The following CDH8 variants were observed in gnomAD, a reference collection of about 807,000 sequenced individuals.
CDH8 encodes the protein cadherin-8.
A neutral mutation model predicts 68.1 loss-of-function variants in CDH8; 17 were observed. The ratio of observed to expected loss-of-function variants is 0.25; its 90% CI spans 0.17 to 0.37. The LOEUF is 0.37. Among genes scored for constraint, CDH8 ranks in the 10% least tolerant of loss-of-function variants. CDH8 has a pLI of 1.00. For missense variants in CDH8, 763 were observed against 999.3 expected (o/e 0.76, Z 3.19); for synonymous variants, 372 against 365.1 (o/e 1.02, Z -0.21).
chr16:62,020,489 C>T (rs541275270), intron 2 of CDH8, among the ~76,000 whole-genome samples: 166 of 88,160 alleles, frequency 1.9e-3, no homozygotes, highest in Admixed American at 4.5e-3. Flanking sequence ...AACACACACA[C>T]GCGCGCGCGC....
chr16:61,714,075 A>G, intron 9 of CDH8, 117 bp from the exon 10 acceptor site: 1 of 728,540 alleles, frequency 1.4e-6, no homozygotes, highest in Non-Finnish European at 2.4e-6. Context: ...ACTCTTTTTC[A>G]GCTTTCTAAA....
At chr16:61,747,265 A>G (rs972132979) in intron 8 of CDH8, among the ~76,000 whole-genome samples, 1 of 152,114 alleles carries the variant, frequency 6.6e-6, no homozygotes, top group African/African-American at 2.4e-5. Flanking sequence ...GGAACAGGAA[A>G]CATTCTTTTT....
chr16:62,002,829 G>T (rs2408009), intron 2 of CDH8, among the ~76,000 whole-genome samples: 1 of 152,056 alleles, frequency 6.6e-6, no homozygotes, highest in Non-Finnish European at 1.5e-5. Context: ...CGAGGTGGGC[G>T]GATCACGAGG....
chr16:62,029,764 C>G (rs917990508), intron 1 of CDH8, among the ~76,000 whole-genome samples: 1 of 152,202 alleles, frequency 6.6e-6, no homozygotes, highest in African/African-American at 2.4e-5. Context: ...AAAGTCTCTA[C>G]TAATTCCAAG....
At chr16:61,686,670 G>A (rs1235888785) in intron 10 of CDH8, among the ~76,000 whole-genome samples, 1 of 151,906 alleles carries the variant, frequency 6.6e-6, no homozygotes, top group Non-Finnish European at 1.5e-5. Context: ...CAGTGAAATT[G>A]TTATCTATGT....
At chr16:61,859,255 T>C (rs1029563451) in intron 3 of CDH8, among the ~76,000 whole-genome samples, 13 of 152,084 alleles carry the variant, frequency 8.5e-5, no homozygotes, top group African/African-American at 1.9e-4. Flanking sequence ...GAGAGTACAA[T>C]AGTTGTAGCT....
At chr16:61,726,783 A>G (rs1220837164) in intron 9 of CDH8, 2 of 385,494 alleles carry the variant, frequency 5.2e-6, no homozygotes, top group East Asian at 3.6e-5. Context: ...GAAAGTAAAA[A>G]TTCAGCCCCC....
rs918412102 is a variant in CDH8, at chr16:61,789,403, G to A, written c.1357C>T (p.Pro453Ser). Residue 453 changes from proline (P) to serine (S), a missense_variant, in exon 8 of 12, where the codon CCA becomes TCA. By Grantham distance (74) the Pro-to-Ser change is moderately conservative. Around this residue, in one of 2 missense-constraint regions of CDH8, gnomAD observed 397 missense variants for 436.2 expected, o/e 0.91. Coordinates refer to ENST00000577390, the MANE Select transcript of CDH8 (RefSeq NM_001796.5). Reference sequence around the variant, plus strand: ...CATACACTTAATTCTCTGTCAAGTGGTGTTGCCAGCGTTATCTTCCCATCG... The same window carrying A: ...CATACACTTAATTCTCTGTCAAGTGATGTTGCCAGCGTTATCTTCCCATCG... ...ADDGKITLAT[P>S]LDRELSVWHN... The A allele has an allele frequency of 5.6e-6, 9 of 1,612,764 alleles. No individual in the cohort carries two copies. The African/African-American group carries it at 1.1e-4, about 19-fold the overall frequency.
chr16:61,787,935 C>T (rs1961269104), intron 8 of CDH8, among the ~76,000 whole-genome samples: 1 of 38,542 alleles, frequency 2.6e-5, no homozygotes, highest in Admixed American at 4.7e-4. Context: ...ACTCTGGGGA[C>T]TGTGGTGGGG....
chr16:61,812,941 C>T (rs1961985163), intron 7 of CDH8, among the ~76,000 whole-genome samples: 1 of 152,138 alleles, frequency 6.6e-6, no homozygotes, highest in Non-Finnish European at 1.5e-5. Context: ...TTCTTGGTGT[C>T]ATTTGTAAGA....
At chr16:61,709,161 C>A (rs111460304) in intron 10 of CDH8, among the ~76,000 whole-genome samples, 5 of 151,922 alleles carry the variant, frequency 3.3e-5, no homozygotes, top group Admixed American at 6.6e-5. Flanking sequence ...TTTAGGAAAG[C>A]CTTCTGTTGG....
At chr16:61,915,405 A>G (rs2143349401) in intron 2 of CDH8, among the ~76,000 whole-genome samples, 1 of 152,348 alleles carries the variant, frequency 6.6e-6, no homozygotes, top group South Asian at 2.1e-4. Flanking sequence ...CATATTCCAG[A>G]AACTGAAGAT....
rs187855147 is a variant in CDH8 at position 61,816,158 on chromosome 16, T to A, written c.1277+1321A>T. 2.6e-5 allele frequency among the ~76,000 whole-genome samples: 4 copies of A among 152,112 alleles called. No homozygotes were observed. The East Asian group carries it at 7.8e-4, about 30-fold the overall frequency. ...AGGTTAGACTCTTCTGCAGGAAGAGTCTTCTTTGCATACTTATTGGCTGTA... is the reference window on the plus strand; with the variant it reads ...AGGTTAGACTCTTCTGCAGGAAGAGACTTCTTTGCATACTTATTGGCTGTA... On this transcript the variant is annotated intron_variant, in intron 7 of 11. Coordinates refer to ENST00000577390, the MANE Select transcript of CDH8 (RefSeq NM_001796.5).
chr16:61,777,353 A>C lies in CDH8; in HGVS notation c.1414+11993T>G, dbSNP rs558017796. ...ACTCGCACCTGAAAAGCTAGCATTC[A>C]TGTTTTCTGCTTACCTTCTTTCTAT... On this transcript the variant is annotated intron_variant, in intron 8 of 11. Coordinates refer to ENST00000577390, the MANE Select transcript of CDH8 (RefSeq NM_001796.5). Among the ~76,000 whole-genome samples the C allele has an allele frequency of 4.7e-4, 72 of 152,256 alleles. No individual in the cohort carries two copies. The South Asian group carries it at 0.014, about 31-fold the overall frequency.
Position 61,687,891 on chromosome 16 carries a change from T to C in CDH8, c.1654+25950A>G, listed in dbSNP as rs925350307. Among the ~76,000 whole-genome samples, 5 of 152,102 alleles carry C rather than the reference T, an allele frequency of 3.3e-5. No individual in the cohort carries two copies. In the South Asian group the frequency reaches 1.0e-3, roughly 31 times the overall value. On this transcript the variant is annotated intron_variant, in intron 10 of 11. Coordinates refer to ENST00000577390, the MANE Select transcript of CDH8 (RefSeq NM_001796.5). ...TCTAAGCTTTATCTCATTTATATAT[T>C]ATTGCATTCATTTTTATCATCACGA... is the stretch of plus-strand genomic sequence containing the variant.
intron 7 of CDH8, among the ~76,000 whole-genome samples, chr16:61,796,482 G>T (rs1344224779): frequency 1.3e-5 from 2 of 151,960 alleles, no homozygotes; most frequent in Non-Finnish European, 2.9e-5. Flanking sequence ...GTGAGAAAAT[G>T]GGCTCCTTGG....
chr16:61,711,548 T>A (rs906945441), intron 10 of CDH8: 1 of 151,812 alleles, frequency 6.6e-6, no homozygotes, highest in Non-Finnish European at 1.5e-5. Context: ...TTCATTATTT[T>A]GTTTCTACAT....
chr16:61,808,324 G>T (rs913967849), intron 7 of CDH8, among the ~76,000 whole-genome samples: 1 of 151,976 alleles, frequency 6.6e-6, no homozygotes, highest in African/African-American at 2.4e-5. Context: ...CCATCACTGA[G>T]ATCAGAAGAA....
rs192714399 is a variant in CDH8, at chr16:61,970,219, G to C, written c.252+50933C>G. On this transcript the variant is annotated intron_variant, in intron 2 of 11. Transcript: ENST00000577390. ...CTTAATGTGCTGATGTAGAAGTCTA[G>C]GTAGAAACATTAGCCATGTGATTTA... Among the ~76,000 whole-genome samples the C allele has an allele frequency of 2.6e-3, 396 of 152,188 alleles. 1 individual carries two copies. Among genetic ancestry groups the C allele is most frequent in the Non-Finnish European group, 4.1e-3 (279 of 68,018 alleles).
Sources: gnomAD v4.1 joint callset for allele counts (sites outside exome capture counted in the v4.1 genomes callset) on GRCh38, gnomAD v4.1.1 for gene constraint, gnomAD v4.1.1 regional missense constraint, MANE v1.5 for transcripts, NCBI Gene and HGNC (gene_info 2026-07-23, HGNC 2026-07-21) for gene names.